C3orf33: variants seen among roughly 807,000 people sequenced by gnomAD.
C3orf33 encodes mitochondrial inner membrane subdomain organizer 1.
Under a neutral mutation model 28.7 loss-of-function variants are expected in C3orf33, and 23 were observed. The observed-to-expected ratio is 0.80, with a 90% CI of 0.58 to 1.13. The LOEUF is 1.13. Among genes scored for constraint, C3orf33 ranks in the 50% most tolerant of loss-of-function variants. The pLI is 0.00. For synonymous variants in C3orf33, 119 were observed against 120.5 expected (o/e 0.99, Z 0.08); for missense variants, 327 against 353.4 (o/e 0.93, Z 0.60).
chr3:155,796,543 A>G (rs1339639940), intron 2 of C3orf33, among the ~76,000 whole-genome samples: 1 of 152,234 alleles, frequency 6.6e-6, no homozygotes, highest in Admixed American at 6.5e-5. Context: ...TCTGCCAGCA[A>G]TGAACAGCCC....
chr3:155,796,938 C>G (rs1171534862), intron 2 of C3orf33, among the ~76,000 whole-genome samples: 1 of 152,158 alleles, frequency 6.6e-6, no homozygotes, highest in Admixed American at 6.6e-5. Context: ...TGACTGTAAT[C>G]CCAGTACTTT....
At chr3:155,779,811 T>A (rs1750863928) in intron 2 of C3orf33, among the ~76,000 whole-genome samples, 1 of 152,210 alleles carries the variant, frequency 6.6e-6, no homozygotes, top group South Asian at 2.1e-4. Flanking sequence ...TTACAATATA[T>A]GCAAGAAGGT....
Position 155,768,595 on chromosome 3 carries a change from A to C in C3orf33, c.323-926T>G, listed in dbSNP as rs538281770. Among the ~76,000 whole-genome samples, 356 of 152,190 alleles carry C rather than the reference A, an allele frequency of 2.3e-3. 4 individuals carry two copies. The South Asian group carries it at 0.028, about 12-fold the overall frequency. ...TTTCCAAAAAGGGATAACAGCTGAC[A>C]AAAAAAACTTAATGTCTTTAAAAAA... On this transcript the variant is annotated intron_variant, in intron 3 of 4. Coordinates refer to ENST00000340171, the MANE Select transcript of C3orf33 (RefSeq NM_001308229.2).
chr3:155,763,446 C>A lies in C3orf33; in HGVS notation c.*71G>T. Reference sequence around the variant, plus strand: ...ATTTGGCAAAACTTCCATTTTGATTCAATGAAAAACGTCCATATATTTACA... The same window carrying A: ...ATTTGGCAAAACTTCCATTTTGATTAAATGAAAAACGTCCATATATTTACA... On this transcript the variant is annotated 3_prime_UTR_variant, in exon 5 of 5. Coordinates refer to ENST00000340171, the MANE Select transcript of C3orf33 (RefSeq NM_001308229.2). The A allele has an allele frequency of 3.4e-6, 4 of 1,178,996 alleles. No individual in the cohort carries two copies. The highest frequency in any genetic ancestry group is 4.4e-6 in the Non-Finnish European group (4 of 900,112). The allele number at this position is 1,178,996 out of a possible 1,614,324, so 73.0% of individuals were successfully genotyped here. A position where few individuals can be genotyped will look rare whatever the true frequency, so the allele number is the denominator to read the frequency against.
Position 155,806,160 on chromosome 3 carries a change from G to A in C3orf33, c.93C>T (p.Asp31=). The A allele has an allele frequency of 6.8e-7, 1 of 1,481,246 alleles. No homozygotes were observed. Among genetic ancestry groups the A allele is most frequent in the Non-Finnish European group, 9.0e-7 (1 of 1,111,972 alleles). The allele number at this position is 1,481,246 out of a possible 1,614,324, so 91.8% of individuals were successfully genotyped here. Residue 31 remains aspartate (D), a synonymous_variant, in exon 1 of 5, where the codon GAC becomes GAT. Coordinates refer to ENST00000340171, the MANE Select transcript of C3orf33 (RefSeq NM_001308229.2). The part of the protein sequence containing the change: ...NVVARISQWA[D]DHLRLVRNIS... The stretch of plus-strand genomic sequence containing the variant: ...GTACCCGGACTAGGCGCAGGTGGTC[G>A]TCTGCCCACTGCGAGATCCGAGCCA...
At chr3:155,782,343 A>C (rs1049668032) in intron 2 of C3orf33, among the ~76,000 whole-genome samples, 2 of 151,944 alleles carry the variant, frequency 1.3e-5, no homozygotes, top group African/African-American at 4.8e-5. Flanking sequence ...TATTTGAAAA[A>C]AAAAACCATG....
intron 2 of C3orf33, among the ~76,000 whole-genome samples, chr3:155,782,925 C>T (rs1371923817): frequency 6.6e-6 from 1 of 152,192 alleles, no homozygotes; most frequent in Non-Finnish European, 1.5e-5. Context: ...GGTTGAGCAT[C>T]CCTAAACCAC....
chr3:155,803,065 G>A (rs1405877558), intron 1 of C3orf33, among the ~76,000 whole-genome samples: 1 of 152,066 alleles, frequency 6.6e-6, no homozygotes, highest in South Asian at 2.1e-4. Flanking sequence ...TAAGTATTTA[G>A]TAGAAAATTT....
At chr3:155,782,871 T>C (rs1440569726) in intron 2 of C3orf33, among the ~76,000 whole-genome samples, 1 of 152,184 alleles carries the variant, frequency 6.6e-6, no homozygotes, top group African/African-American at 2.4e-5. Context: ...TAACAACAGT[T>C]TGTAACTCCA....
At chr3:155,781,030 G>A (rs1228131714) in intron 2 of C3orf33, among the ~76,000 whole-genome samples, 3 of 147,958 alleles carry the variant, frequency 2.0e-5, no homozygotes, top group Non-Finnish European at 4.4e-5. Context: ...TCGCTCTGTC[G>A]CCCAGGTGGG....
intron 3 of C3orf33, among the ~76,000 whole-genome samples, chr3:155,770,115 G>T (rs769057393): frequency 5.3e-5 from 8 of 152,180 alleles, no homozygotes; most frequent in Non-Finnish European, 1.0e-4. Context: ...GGTGGCGGGG[G>T]TTGGGTTGCA....
intron 3 of C3orf33, among the ~76,000 whole-genome samples, chr3:155,770,899 C>G (rs922344019): frequency 6.6e-6 from 1 of 151,898 alleles, no homozygotes; most frequent in Non-Finnish European, 1.5e-5. Context: ...GTCTTGAACT[C>G]CTGACCTCAA....
chr3:155,792,278 A>G (rs1372583423), intron 2 of C3orf33, among the ~76,000 whole-genome samples: 1 of 152,190 alleles, frequency 6.6e-6, no homozygotes, highest in Non-Finnish European at 1.5e-5. Flanking sequence ...GATGCCCCCT[A>G]ATACAAATAT....
intron 2 of C3orf33, among the ~76,000 whole-genome samples, chr3:155,796,775 A>T (rs147209114): frequency 6.6e-6 from 1 of 152,362 alleles, no homozygotes; most frequent in African/African-American, 2.4e-5. Context: ...TCCTCAAAGA[A>T]ATACCTACAA....
chr3:155,793,057 T>C (rs1014661653), intron 2 of C3orf33, among the ~76,000 whole-genome samples: 2 of 151,808 alleles, frequency 1.3e-5, no homozygotes, highest in East Asian at 3.9e-4. Flanking sequence ...AGGTCAAGGA[T>C]AAAAAGAATC....
chr3:155,771,577 T>C (rs1750594665), intron 3 of C3orf33, among the ~76,000 whole-genome samples: 2 of 152,152 alleles, frequency 1.3e-5, no homozygotes, highest in Non-Finnish European at 2.9e-5. Context: ...ATTTTTTGTG[T>C]GTGGAGACAG....
chr3:155,792,003 G>A (rs759654012), intron 2 of C3orf33, among the ~76,000 whole-genome samples: 10 of 152,070 alleles, frequency 6.6e-5, no homozygotes, highest in South Asian at 4.2e-4. Context: ...ACAAGGCAGC[G>A]GTTACCATGG....
At chr3:155,766,533 T>C (rs2109249221) in intron 4 of C3orf33, among the ~76,000 whole-genome samples, 2 of 152,356 alleles carry the variant, frequency 1.3e-5, no homozygotes, top group Middle Eastern at 6.8e-3. Context: ...TGGCTGTTTG[T>C]AGTTTCCAGC....
chr3:155,799,570 T>C (rs1164395781), intron 2 of C3orf33, among the ~76,000 whole-genome samples: 3 of 152,056 alleles, frequency 2.0e-5, no homozygotes, highest in African/African-American at 7.2e-5. Context: ...ACACCTGTGG[T>C]CCCAGCTACT....
Sources: gnomAD v4.1 joint callset for allele counts (sites outside exome capture counted in the v4.1 genomes callset) on GRCh38, gnomAD v4.1.1 for gene constraint, MANE v1.5 for transcripts, NCBI Gene and HGNC (gene_info 2026-07-23, HGNC 2026-07-21) for gene names.